PDE4D: variants seen among roughly 807,000 people sequenced by gnomAD.
The protein encoded by PDE4D is 3',5'-cyclic-AMP phosphodiesterase 4D.
Under a neutral mutation model 87.4 loss-of-function variants are expected in PDE4D, and 24 were observed. The ratio of observed to expected loss-of-function variants is 0.27; its 90% CI spans 0.20 to 0.39. The LOEUF (loss-of-function observed/expected upper bound fraction) is 0.39, where lower values mean the gene tolerates loss of function less well. PDE4D is among the 10% of genes least tolerant of loss of function. The probability of loss-of-function intolerance (pLI) is 1.00; values close to 1 mark genes in which losing one functional copy is unlikely to be tolerated. For missense variants in PDE4D, 714 were observed against 1,041.0 expected (o/e 0.69, Z 4.32); for synonymous variants, 384 against 383.2 (o/e 1.00, Z -0.02).
chr5:60,232,135 G>A (rs574815793), intron 1 of PDE4D, among the ~76,000 whole-genome samples: 2 of 151,972 alleles, frequency 1.3e-5, no homozygotes, highest in East Asian at 1.9e-4. Context: ...ACACAAAGTG[G>A]CTCAGTAGGA....
chr5:59,848,258 T>C (rs907555860), intron 1 of PDE4D, among the ~76,000 whole-genome samples: 5 of 152,084 alleles, frequency 3.3e-5, no homozygotes, highest in African/African-American at 1.2e-4. Flanking sequence ...CTTGTACTTA[T>C]CTTGTTTATT....
At chr5:60,144,903 T>G (rs1204091203) in intron 2 of PDE4D, among the ~76,000 whole-genome samples, 2 of 152,254 alleles carry the variant, frequency 1.3e-5, no homozygotes, top group East Asian at 3.9e-4. Flanking sequence ...ATCAAATAAT[T>G]CATGAACAAC....
intron 1 of PDE4D, among the ~76,000 whole-genome samples, chr5:59,273,237 T>C (rs1242164436): frequency 6.6e-6 from 1 of 151,958 alleles, no homozygotes; most frequent in African/African-American, 2.4e-5. Context: ...GAGAAAACAT[T>C]GTCCCTCTGA....
rs140958372 is a variant in PDE4D, at chr5:60,173,362, T to C, written c.42+12195A>G. The stretch of plus-strand genomic sequence containing the variant: ...GGAAAAAAACAAGAAAATGTTGTAA[T>C]AGTATATGGAAACTTAAAAGCATTT... On this transcript the variant is annotated intron_variant, in intron 2 of 16. Coordinates refer to the PDE4D transcript ENST00000502484. Among the ~76,000 whole-genome samples the C allele has an allele frequency of 5.9e-3, 894 of 152,266 alleles. 8 individuals are homozygous for C. Among genetic ancestry groups the C allele is most frequent in the African/African-American group, 0.021 (858 of 41,552 alleles).
intron 1 of PDE4D, among the ~76,000 whole-genome samples, chr5:59,497,611 C>T (rs1028868582): frequency 6.6e-6 from 1 of 151,970 alleles, no homozygotes; most frequent in Non-Finnish European, 1.5e-5. Context: ...GACTAGCTTT[C>T]TGAATCAACC....
intron 1 of PDE4D, among the ~76,000 whole-genome samples, chr5:59,279,654 T>C (rs1241910870): frequency 6.6e-6 from 1 of 152,124 alleles, no homozygotes; most frequent in Non-Finnish European, 1.5e-5. Context: ...TTCTTAATTA[T>C]ACATCACAAC....
At chr5:60,503,088 A>G (rs866372452) in intron 1 of PDE4D, among the ~76,000 whole-genome samples, 12 of 152,132 alleles carry the variant, frequency 7.9e-5, no homozygotes, top group Non-Finnish European at 7.4e-5. Flanking sequence ...TCAAACGTCC[A>G]TATCTTTTTG....
chr5:59,275,583 C>T, intron 1 of PDE4D: 2 of 1,377,336 alleles, frequency 1.5e-6, no homozygotes, highest in Non-Finnish European at 9.4e-7. Context: ...GGTTCTAACA[C>T]GCAGGAGCGC....
chr5:59,027,788 AT>A (rs1331417274), intron 6 of PDE4D, among the ~76,000 whole-genome samples: 1 of 151,260 alleles, frequency 6.6e-6, no homozygotes, highest in African/African-American at 2.4e-5. Context: ...GAAATCAGCT[AT>A]TTTTTTTCAA....
rs73092855 is a variant in PDE4D at position 59,856,272 on chromosome 5, A to G, written c.455+36896T>C. Among the ~76,000 whole-genome samples, 963 of 152,268 alleles carry G rather than the reference A, an allele frequency of 6.3e-3. 10 individuals carry two copies. Among genetic ancestry groups the G allele is most frequent in the African/African-American group, 0.022 (932 of 41,554 alleles). ...CACACAGACATGGTTTTGCTCTTCC[A>G]GCTTACTGAGCCATTCTGATGTTCA... On this transcript the variant is annotated intron_variant, in intron 1 of 14. Transcript: ENST00000340635.
At chr5:59,100,939 T>C (rs1770631470) in intron 5 of PDE4D, among the ~76,000 whole-genome samples, 1 of 152,162 alleles carries the variant, frequency 6.6e-6, no homozygotes, top group Admixed American at 6.5e-5. Flanking sequence ...CTTCTAAACT[T>C]CAGGTGTAGA....
chr5:59,626,511 A>G (rs1236141435), intron 1 of PDE4D, among the ~76,000 whole-genome samples: 3 of 152,228 alleles, frequency 2.0e-5, no homozygotes, highest in Non-Finnish European at 4.4e-5. Flanking sequence ...AAATTCTATT[A>G]TGTAATTTTA....
intron 1 of PDE4D, among the ~76,000 whole-genome samples, chr5:59,375,759 C>T (rs1456438447): frequency 6.6e-6 from 1 of 152,154 alleles, no homozygotes; most frequent in Non-Finnish European, 1.5e-5. Flanking sequence ...GACCAATATT[C>T]TTGATGAACA....
intron 1 of PDE4D, among the ~76,000 whole-genome samples, chr5:59,427,667 C>T (rs1293439490): frequency 6.6e-6 from 1 of 152,006 alleles, no homozygotes; most frequent in Non-Finnish European, 1.5e-5. Context: ...GACCCAGTCT[C>T]TCTAAAAACA....
chr5:59,974,314 A>T (rs565127321), intron 3 of PDE4D, among the ~76,000 whole-genome samples: 16 of 152,324 alleles, frequency 1.1e-4, no homozygotes, highest in Admixed American at 3.9e-4. Flanking sequence ...GCTAATTCAA[A>T]ATACCTAAGA....
At chr5:60,049,955 C>T (rs1769884673) in intron 2 of PDE4D, among the ~76,000 whole-genome samples, 1 of 152,206 alleles carries the variant, frequency 6.6e-6, no homozygotes, top group Non-Finnish European at 1.5e-5. Flanking sequence ...GTGGGCGCCC[C>T]TCCCCCAGCC....
rs1750609864 is a variant in PDE4D at position 59,889,262 on chromosome 5, TA to T, written c.455+3905del. Among the ~76,000 whole-genome samples the T allele has an allele frequency of 2.9e-5, 4 of 139,104 alleles. No homozygotes were observed. In the South Asian group the frequency reaches 9.1e-4, roughly 31 times the overall value. The allele number at this position is 139,104 out of a possible 152,430, so 91.3% of individuals were successfully genotyped here. A position where few individuals can be genotyped will look rare whatever the true frequency, so the allele number is the denominator to read the frequency against. ...AAAAAAAAAAAAAGCTAATGTCAAG[TA>T]AATATAATATGCGCAGAATTTATAT... On this transcript the variant is annotated intron_variant, in intron 1 of 14. Transcript: ENST00000340635.
At chr5:59,047,890 A>G (rs1760958203) in intron 5 of PDE4D, among the ~76,000 whole-genome samples, 1 of 152,238 alleles carries the variant, frequency 6.6e-6, no homozygotes, top group South Asian at 2.1e-4. Context: ...CTATGTGGGC[A>G]GTCTGCAACC....
At chr5:60,499,342 G>A (rs1749961738) in intron 1 of PDE4D, among the ~76,000 whole-genome samples, 1 of 152,122 alleles carries the variant, frequency 6.6e-6, no homozygotes, top group South Asian at 2.1e-4. Flanking sequence ...GAAACAATAA[G>A]GAACAGCTTA....
Sources: allele counts gnomAD v4.1 joint callset (sites outside exome capture counted in the v4.1 genomes callset), GRCh38; gene constraint gnomAD v4.1.1; transcripts MANE v1.5; gene names NCBI Gene and HGNC (gene_info 2026-07-23, HGNC 2026-07-21).